The following SGO2 variants were observed in gnomAD, a reference collection of about 807,000 sequenced individuals.
SGO2 encodes shugoshin-like 2.
SGO2 carries 68 observed loss-of-function variants against 99.5 expected under a neutral mutation model. The ratio of observed to expected loss-of-function variants is 0.68; its 90% CI spans 0.56 to 0.84. The LOEUF (loss-of-function observed/expected upper bound fraction) is 0.84, where lower values mean the gene tolerates loss of function less well. Among genes scored for constraint, SGO2 ranks in the 40% least tolerant of loss-of-function variants. The pLI is 0.00. For synonymous variants in SGO2, 457 were observed against 487.1 expected, an observed-to-expected ratio of 0.94 and a Z score of 0.81; for missense variants, 1,350 against 1,436.7, an observed-to-expected ratio of 0.94 and a Z score of 0.97.
chr2:200,580,410 C>T, intron 8 of SGO2: 1 of 330,696 alleles, frequency 3.0e-6, no homozygotes, highest in South Asian at 2.4e-5. Flanking sequence ...ATCTATTTTT[C>T]TGTTCTCTAC....
intron 8 of SGO2, 35 bp downstream of exon 8, chr2:200,575,496 A>G (rs2033625370): frequency 1.3e-6 from 2 of 1,489,672 alleles, no homozygotes; most frequent in Non-Finnish European, 1.8e-6. Flanking sequence ...ATGCCATTAT[A>G]AAATATATCC....
At chr2:200,558,246 T>C (rs556967825) in intron 5 of SGO2, among the ~76,000 whole-genome samples, 3 of 152,328 alleles carry the variant, frequency 2.0e-5, no homozygotes, top group African/African-American at 7.2e-5. Flanking sequence ...ATTCCTGTTA[T>C]TAAATATGAT....
intron 5 of SGO2, among the ~76,000 whole-genome samples, chr2:200,555,236 C>T (rs895566018): frequency 1.8e-4 from 28 of 152,170 alleles, no homozygotes; most frequent in Admixed American, 1.6e-3. Context: ...TTTATTTAAG[C>T]GCTTATTATT....
At chr2:200,560,023 G>A (rs943901081) in intron 5 of SGO2, among the ~76,000 whole-genome samples, 18 of 152,040 alleles carry the variant, frequency 1.2e-4, no homozygotes, top group African/African-American at 3.6e-4. Context: ...ATGGTTGAAC[G>A]CAGTATTTTT....
intron 5 of SGO2, among the ~76,000 whole-genome samples, chr2:200,565,045 C>A (rs1487031444): frequency 6.6e-6 from 1 of 152,176 alleles, no homozygotes; most frequent in African/African-American, 2.4e-5. Flanking sequence ...TTAACCGGAG[C>A]ATTTAGCCCA....
At chr2:200,568,685 T>C (rs564413707) in intron 5 of SGO2, among the ~76,000 whole-genome samples, 1 of 152,224 alleles carries the variant, frequency 6.6e-6, no homozygotes, top group South Asian at 2.1e-4. Flanking sequence ...GGTTTCCAAC[T>C]TTTTTTGAAT....
intron 5 of SGO2, among the ~76,000 whole-genome samples, chr2:200,566,466 T>G (rs921409930): frequency 2.6e-5 from 4 of 152,114 alleles, no homozygotes; most frequent in African/African-American, 7.2e-5. Context: ...CCATATGAGG[T>G]GTCAGTCGGT....
In SGO2 at chr2:200,573,035, G is replaced by T. The variant is rs867605654; in HGVS notation, c.2689G>T (p.Glu897Ter). 6.4e-7 allele frequency: 1 copy of T among 1,566,244 alleles called. No individual in the cohort carries two copies. The highest frequency in any genetic ancestry group is 1.2e-5 in the South Asian group (1 of 81,332). The change falls in exon 7 of 9, where the codon GAG (glutamate) becomes TAG (stop). Residue 897 changes from glutamate to a stop codon, truncating the protein, a stop_gained. Transcript: ENST00000357799. LOFTEE classifies it high-confidence loss of function. The stretch of plus-strand genomic sequence containing the variant: ...GTATGTTACTGATAGGAAATCTGCT[G>T]AGCAAAATGAATCAAAAATAAATAA... ...KKYVTDRKSA[E>*]QNESKINKLR...
In SGO2 at chr2:200,557,864, AC is replaced by A. The variant is rs1366714196; in HGVS notation, c.474-11798del. Among the ~76,000 whole-genome samples, 300 of 130,432 alleles carry A rather than the reference AC, an allele frequency of 2.3e-3. 2 individuals carry two copies. In the South Asian group the frequency reaches 0.029, roughly 13 times the overall value. 85.6% of individuals were successfully genotyped at this position (130,432 alleles called of 152,430 possible). A position where few individuals can be genotyped will look rare whatever the true frequency, so the allele number is the denominator to read the frequency against. On this transcript the variant is annotated intron_variant, in intron 5 of 8. Transcript: ENST00000357799. ...TTTTTCTTACCTTGTTGCATTGGCT[AC>A]TTTTTTTTTTTTTTTTTGAGACAGA...
At chr2:200,559,836 A>T (rs1485576229) in intron 5 of SGO2, among the ~76,000 whole-genome samples, 1 of 151,986 alleles carries the variant, frequency 6.6e-6, no homozygotes, top group Admixed American at 6.6e-5. Flanking sequence ...TTCTAAGCTG[A>T]TGGGTATTTT....
chr2:200,563,505 T>G (rs543682306), intron 5 of SGO2, among the ~76,000 whole-genome samples: 1 of 152,338 alleles, frequency 6.6e-6, no homozygotes, highest in South Asian at 2.1e-4. Flanking sequence ...TCAGAGTTAT[T>G]GGTCTAAAAT....
Position 200,533,047 on chromosome 2 carries a change from A to C in SGO2, c.72A>C (p.Arg24Ser). 6.2e-7 allele frequency: 1 copy of C among 1,606,164 alleles called. No homozygotes were observed. The highest frequency in any genetic ancestry group is 8.5e-7 in the Non-Finnish European group (1 of 1,177,788). The change falls in exon 2 of 9, where the codon AGA (arginine) becomes AGC (serine). Residue 24 changes from arginine to serine, a missense_variant. Physicochemically the swap from Arg to Ser is moderately radical, Grantham distance 110 (BLOSUM62 -1). Transcript: ENST00000357799. Reference protein sequence around the residue: ...SGIKRHLKDKRISKTTKLNVS... With the variant: ...SGIKRHLKDKSISKTTKLNVS... ...TTAAGAGACATTTGAAAGACAAAAG[A>C]ATTTCAAAGACTACTAAGTTGAATG... is the stretch of plus-strand genomic sequence containing the variant.
At chr2:200,578,510 T>C (rs1296427211) in intron 8 of SGO2, among the ~76,000 whole-genome samples, 2 of 152,196 alleles carry the variant, frequency 1.3e-5, no homozygotes, top group Non-Finnish European at 2.9e-5. Context: ...GGGAAGAATC[T>C]GCTTCCAAGT....
chr2:200,582,167 C>A, intron 8 of SGO2, among the ~76,000 whole-genome samples: 1 of 152,122 alleles, frequency 6.6e-6, no homozygotes, highest in Non-Finnish European at 1.5e-5. Flanking sequence ...ACCTTGAATG[C>A]ATTTCTTAAC....
chr2:200,569,110 C>T (rs1272846499), intron 5 of SGO2, among the ~76,000 whole-genome samples: 2 of 151,980 alleles, frequency 1.3e-5, no homozygotes, highest in Non-Finnish European at 2.9e-5. Context: ...ACTCTTCATT[C>T]TTTGAATTCA....
chr2:200,565,213 C>G (rs1037374563), intron 5 of SGO2, among the ~76,000 whole-genome samples: 3 of 152,156 alleles, frequency 2.0e-5, no homozygotes, highest in Non-Finnish European at 2.9e-5. Flanking sequence ...TTGTTCCTTT[C>G]AATGTTTAGC....
At chr2:200,564,099 C>T (rs964713647) in intron 5 of SGO2, among the ~76,000 whole-genome samples, 8 of 152,292 alleles carry the variant, frequency 5.3e-5, no homozygotes, top group African/African-American at 1.9e-4. Context: ...TTGCCTTTTG[C>T]TAGCTTTTGA....
intron 5 of SGO2, among the ~76,000 whole-genome samples, chr2:200,550,294 A>G (rs554683839): frequency 2.0e-5 from 3 of 152,354 alleles, no homozygotes; most frequent in South Asian, 4.1e-4. Context: ...TACAGATTCA[A>G]TACAATTTGT....
At chr2:200,552,263 A>G (rs1206501523) in intron 5 of SGO2, among the ~76,000 whole-genome samples, 1 of 152,132 alleles carries the variant, frequency 6.6e-6, no homozygotes, top group Non-Finnish European at 1.5e-5. Flanking sequence ...TATGTTGTCC[A>G]GGCTAGATTC....
Sources: gnomAD v4.1 joint callset for allele counts (sites outside exome capture counted in the v4.1 genomes callset) on GRCh38, gnomAD v4.1.1 for gene constraint, MANE v1.5 for transcripts, NCBI Gene and HGNC (gene_info 2026-07-23, HGNC 2026-07-21) for gene names.